CDH23: variants seen among roughly 807,000 people sequenced by gnomAD.
The protein encoded by CDH23 is cadherin-23.
Under a neutral mutation model 317.1 loss-of-function variants are expected in CDH23, and 189 were observed. The observed-to-expected ratio is 0.60, with a 90% CI of 0.53 to 0.67. The LOEUF (loss-of-function observed/expected upper bound fraction) is 0.67. Among genes scored for constraint, CDH23 ranks in the 30% least tolerant of loss-of-function variants. The probability of loss-of-function intolerance (pLI) is 0.00; values close to 1 mark genes in which losing one functional copy is unlikely to be tolerated. For synonymous variants in CDH23, 1,839 were observed against 1,876.8 expected (o/e 0.98, Z 0.52); for missense variants, 4,401 against 4,592.4 (o/e 0.96, Z 1.20).
At chr10:71,797,669 G>A (rs1021983158) in intron 49 of CDH23, among the ~76,000 whole-genome samples, 3 of 152,236 alleles carry the variant, frequency 2.0e-5, no homozygotes, top group African/African-American at 7.2e-5. Context: ...TGAGGCCACA[G>A]ACACTGCTTT....
chr10:71,623,972 C>T (rs988296093), intron 11 of CDH23, among the ~76,000 whole-genome samples: 1 of 152,230 alleles, frequency 6.6e-6, no homozygotes, highest in African/African-American at 2.4e-5. Flanking sequence ...CGATTCCAGG[C>T]AAGACTCGTC....
intron 17 of CDH23, among the ~76,000 whole-genome samples, chr10:71,680,680 G>A (rs1381317308): frequency 6.8e-6 from 1 of 147,288 alleles, no homozygotes; most frequent in Non-Finnish European, 1.5e-5. Flanking sequence ...CCTGGGAGGC[G>A]GAGGTTGCAG....
intron 3 of CDH23, among the ~76,000 whole-genome samples, chr10:71,465,972 A>G (rs954647405): frequency 1.3e-5 from 2 of 152,164 alleles, no homozygotes; most frequent in Admixed American, 6.5e-5. Context: ...TGATGTCTCA[A>G]AAGAGCCTGT....
intron 14 of CDH23, among the ~76,000 whole-genome samples, chr10:71,671,109 G>A (rs1454471400): frequency 1.3e-5 from 2 of 151,952 alleles, no homozygotes; most frequent in African/African-American, 2.4e-5. Flanking sequence ...ACAGGCAATT[G>A]CCACCATGCC....
intron 6 of CDH23, among the ~76,000 whole-genome samples, chr10:71,514,719 C>G (rs973231183): frequency 6.6e-6 from 1 of 152,132 alleles, no homozygotes; most frequent in Non-Finnish European, 1.5e-5. Context: ...ATTCACTTGT[C>G]GAAGTCCTAA....
Position 71,527,028 on chromosome 10 carries a change from G to A in CDH23, c.429+15816G>A, listed in dbSNP as rs530835652. Among the ~76,000 whole-genome samples the A allele has an allele frequency of 2.6e-5, 4 of 152,174 alleles. No individual in the cohort carries two copies. The South Asian group carries it at 6.2e-4, about 24-fold the overall frequency. On this transcript the variant is annotated intron_variant, in intron 6 of 69. Coordinates refer to ENST00000224721, the MANE Select transcript of CDH23 (RefSeq NM_022124.6). Reference sequence around the variant, plus strand: ...CCATTGTGAGAGTGGTGCTGGGCTCGTAGGGCAGGACACCTGGACTGTGGC... The same window carrying A: ...CCATTGTGAGAGTGGTGCTGGGCTCATAGGGCAGGACACCTGGACTGTGGC...
intron 16 of CDH23, among the ~76,000 whole-genome samples, chr10:71,677,955 C>T (rs1014987775): frequency 6.6e-6 from 1 of 152,000 alleles, no homozygotes; most frequent in East Asian, 1.9e-4. Flanking sequence ...GACCAACCCC[C>T]TAGGGAACCC....
At chr10:71,812,911 C>A in intron 68 of CDH23, 21 bp downstream of exon 68, 1 of 1,611,646 alleles carries the variant, frequency 6.2e-7, no homozygotes, top group Non-Finnish European at 8.5e-7. Flanking sequence ...CCTGCAGGCT[C>A]CGCGCCCAGT....
intron 1 of CDH23, among the ~76,000 whole-genome samples, chr10:71,438,495 G>A (rs891531914): frequency 2.6e-5 from 4 of 152,122 alleles, no homozygotes; most frequent in Non-Finnish European, 4.4e-5. Flanking sequence ...GTTGTATGTC[G>A]TGTTGGTCAG....
At chr10:71,543,537 T>C (rs1307321920) in intron 6 of CDH23, among the ~76,000 whole-genome samples, 1 of 152,252 alleles carries the variant, frequency 6.6e-6, no homozygotes, top group South Asian at 2.1e-4. Flanking sequence ...CAGTTCCGCA[T>C]AGATGATTCT....
At chr10:71,446,425 C>G in intron 3 of CDH23, 30 bp downstream of exon 3, 1 of 1,604,182 alleles carries the variant, frequency 6.2e-7, no homozygotes, top group African/African-American at 1.3e-5. Flanking sequence ...GGTGGGCGTG[C>G]AGATGGCCTG....
intron 61 of CDH23, 107 bp downstream of exon 61, chr10:71,810,183 A>G: frequency 3.8e-6 from 5 of 1,328,898 alleles, no homozygotes; most frequent in Non-Finnish European, 5.2e-6. Context: ...CGTGAAAGGC[A>G]GTATAGTCCC....
intron 3 of CDH23, among the ~76,000 whole-genome samples, chr10:71,503,249 T>TG (rs913326822): frequency 2.0e-5 from 3 of 152,342 alleles, no homozygotes; most frequent in East Asian, 1.9e-4. Flanking sequence ...GCCCCCAGGA[T>TG]GGGGTACAGG....
intron 55 of CDH23, among the ~76,000 whole-genome samples, chr10:71,804,256 A>G (rs927731406): frequency 6.6e-6 from 1 of 152,090 alleles, no homozygotes; most frequent in Admixed American, 6.5e-5. Context: ...CAGTGTGGAG[A>G]CAGCCTAGGA....
At chr10:71,699,824 T>C (rs972048093) in intron 22 of CDH23, among the ~76,000 whole-genome samples, 5 of 152,030 alleles carry the variant, frequency 3.3e-5, no homozygotes, top group Admixed American at 6.6e-5. Context: ...CCCTCCACCC[T>C]CTCCTGTACT....
At chr10:71,746,212 G>A (rs1174244630) in intron 38 of CDH23, among the ~76,000 whole-genome samples, 1 of 152,208 alleles carries the variant, frequency 6.6e-6, no homozygotes, top group Non-Finnish European at 1.5e-5. Flanking sequence ...GTTTTCTGGA[G>A]GAAGCATCAT....
chr10:71,516,391 G>A (rs60525906), intron 6 of CDH23, among the ~76,000 whole-genome samples: 7,084 of 152,260 alleles, frequency 0.047, 576 homozygotes, highest in African/African-American at 0.16. Context: ...GGTCAGAGCC[G>A]AAGCCACGCC....
chr10:71,609,995 T>TGTGTGTGTGA (rs3222215), intron 9 of CDH23, among the ~76,000 whole-genome samples: 13 of 140,928 alleles, frequency 9.2e-5, no homozygotes, highest in African/African-American at 3.1e-4. Context: ...TGTGTGTGTG[T>TGTGTGTGTGA]GAGAGAGACA....
intron 57 of CDH23, among the ~76,000 whole-genome samples, chr10:71,806,672 G>C (rs1841737201): frequency 6.6e-6 from 1 of 151,776 alleles, no homozygotes; most frequent in Non-Finnish European, 1.5e-5. Flanking sequence ...CTCCACCCGG[G>C]TTCAAGTGAT....
Sources: gnomAD v4.1 joint callset for allele counts (sites outside exome capture counted in the v4.1 genomes callset) on GRCh38, gnomAD v4.1.1 for gene constraint, MANE v1.5 for transcripts, NCBI Gene and HGNC (gene_info 2026-07-23, HGNC 2026-07-21) for gene names.